The following GALNT14 variants were observed in gnomAD, a reference collection of about 807,000 sequenced individuals.
GALNT14 encodes the protein UDP-GalNAc:polypeptide N-acetylgalactosaminyltransferase 14.
GALNT14 carries 60 observed loss-of-function variants against 77.5 expected under a neutral mutation model. That is an observed-to-expected ratio of 0.77 (90% confidence interval 0.63 to 0.96). GALNT14 has a LOEUF of 0.96. Ranked by LOEUF, GALNT14 falls within the 40% of genes least tolerant of loss-of-function variation. GALNT14 has a pLI of 0.00. For missense variants in GALNT14, 710 were observed against 731.0 expected (o/e 0.97, Z 0.33); for synonymous variants, 280 against 281.7 (o/e 0.99, Z 0.06).
intron 1 of GALNT14, among the ~76,000 whole-genome samples, chr2:31,097,554 T>C (rs1011001532): frequency 6.6e-6 from 1 of 152,188 alleles, no homozygotes; most frequent in African/African-American, 2.4e-5. Flanking sequence ...TGAAATACTT[T>C]TGAGAGTGTT....
At chr2:31,009,458 C>T (rs775017988) in intron 1 of GALNT14, among the ~76,000 whole-genome samples, 1 of 152,160 alleles carries the variant, frequency 6.6e-6, no homozygotes, top group Non-Finnish European at 1.5e-5. Flanking sequence ...TAGCCCTGGT[C>T]CCTCCTCTCC....
Position 30,932,147 on chromosome 2 carries a change from G to A in GALNT14, c.979C>T (p.Pro327Ser), listed in dbSNP as rs1558416542. ...AAGACGTGCCCCACTCGGCTGCAGG[G>A]GACGATCTCTAGGCTGCCCCCGCAC... ...WMCGGSLEIV[P>S]CSRVGHVFRK... The change falls in exon 10 of 15, where the codon CCC becomes TCC. Residue 327 changes from proline to serine, a missense_variant. Pro to Ser is a moderately conservative substitution (Grantham distance 74). Coordinates refer to ENST00000349752, the MANE Select transcript of GALNT14 (RefSeq NM_024572.4). 3.2e-6 allele frequency: 5 copies of A among 1,567,504 alleles called. No homozygotes were observed. Among genetic ancestry groups the A allele is most frequent in the Non-Finnish European group, 4.3e-6 (5 of 1,156,910 alleles).
chr2:30,978,669 A>G (rs756732460), intron 2 of GALNT14, among the ~76,000 whole-genome samples: 5 of 152,200 alleles, frequency 3.3e-5, no homozygotes, highest in Non-Finnish European at 5.9e-5. Context: ...CTGCACTCCC[A>G]ATCCCTGATA....
chr2:31,038,088 T>A (rs1243033104), intron 1 of GALNT14, among the ~76,000 whole-genome samples: 1,753 of 47,162 alleles, frequency 0.037, 49 homozygotes, highest in African/African-American at 0.053. Context: ...ATATATATTT[T>A]TTTTTTTTTT....
chr2:31,065,933 T>C (rs1191512672), intron 1 of GALNT14, among the ~76,000 whole-genome samples: 2 of 152,120 alleles, frequency 1.3e-5, no homozygotes, highest in Non-Finnish European at 2.9e-5. Flanking sequence ...GGGAAGACAG[T>C]AGGGCACAGT....
At chr2:30,890,402 T>C in the GALNT14 span, among the ~76,000 whole-genome samples, 1 of 152,200 alleles carries the variant, frequency 6.6e-6, no homozygotes, top group Non-Finnish European at 1.5e-5. Flanking sequence ...TTCTTCTCTG[T>C]ATCTCATTTT....
intron 1 of GALNT14, among the ~76,000 whole-genome samples, chr2:30,998,877 C>T (rs1197377356): frequency 2.6e-5 from 4 of 152,190 alleles, no homozygotes; most frequent in Non-Finnish European, 5.9e-5. Context: ...TGTGCATTTC[C>T]TGTCATTTTC....
At chr2:31,065,231 A>G (rs1477243498) in intron 1 of GALNT14, 1 of 151,964 alleles carries the variant, frequency 6.6e-6, no homozygotes, top group Non-Finnish European at 1.5e-5. Flanking sequence ...CTGAGGGCAA[A>G]GGTGATGTCT....
At chr2:31,093,959 T>C (rs1379765057) in intron 1 of GALNT14, among the ~76,000 whole-genome samples, 1 of 152,142 alleles carries the variant, frequency 6.6e-6, no homozygotes, top group African/African-American at 2.4e-5. Flanking sequence ...TTTACTTTAG[T>C]GCAATAAGAT....
In GALNT14 at chr2:31,075,496, A is replaced by T. The variant is rs566819221; in HGVS notation, c.129+62462T>A. 2.0e-4 allele frequency among the ~76,000 whole-genome samples: 31 copies of T among 152,242 alleles called. 1 individual carries two copies. Among genetic ancestry groups the T allele is most frequent in the African/African-American group, 6.7e-4 (28 of 41,560 alleles). ...TCTCTGCGTCCTGGAGATCGGCTTG[A>T]AAAGTGTTTCTTGAATGATGCAGAA... On this transcript the variant is annotated intron_variant, in intron 1 of 14. Transcript: ENST00000349752.
At chr2:30,963,332 T>C (rs1274834623) in intron 3 of GALNT14, among the ~76,000 whole-genome samples, 1 of 152,168 alleles carries the variant, frequency 6.6e-6, no homozygotes, top group African/African-American at 2.4e-5. Context: ...TCTCAACAAG[T>C]GCACCACCTG....
At chr2:31,111,156 C>G (rs1212201793) in intron 1 of GALNT14, among the ~76,000 whole-genome samples, 2 of 152,176 alleles carry the variant, frequency 1.3e-5, no homozygotes, top group African/African-American at 2.4e-5. Flanking sequence ...CAGCAGACTA[C>G]CCAGGATGCA....
intron 1 of GALNT14, among the ~76,000 whole-genome samples, chr2:31,011,178 T>G (rs1421672460): frequency 6.6e-6 from 1 of 152,226 alleles, no homozygotes; most frequent in East Asian, 1.9e-4. Context: ...CTCCCTCAAC[T>G]GAGAGTTAGC....
At chr2:30,912,156 A>G (rs1664401795) in intron 14 of GALNT14, 67 bp downstream of exon 14, 3 of 1,588,032 alleles carry the variant, frequency 1.9e-6, no homozygotes, top group African/African-American at 2.7e-5. Flanking sequence ...TGCTCATCAG[A>G]CTAAGCCCTC....
At chr2:31,023,014 G>A (rs1671817634) in intron 1 of GALNT14, among the ~76,000 whole-genome samples, 1 of 152,208 alleles carries the variant, frequency 6.6e-6, no homozygotes, top group Non-Finnish European at 1.5e-5. Context: ...CAGGACTATT[G>A]TGGGAATGCA....
chr2:31,013,963 G>A (rs1671191530), intron 1 of GALNT14, among the ~76,000 whole-genome samples: 1 of 152,170 alleles, frequency 6.6e-6, no homozygotes, highest in African/African-American at 2.4e-5. Context: ...TTCTGTCCCT[G>A]TAAGATTTCA....
At chr2:30,930,067 C>T (rs1665634307) in intron 10 of GALNT14, among the ~76,000 whole-genome samples, 1 of 152,192 alleles carries the variant, frequency 6.6e-6, no homozygotes, top group South Asian at 2.1e-4. Context: ...GGGATGCTCA[C>T]CTTTAGTAAC....
At chr2:30,951,732 A>G (rs73923309) in intron 6 of GALNT14, among the ~76,000 whole-genome samples, 1,608 of 152,336 alleles carry the variant, frequency 0.011, 27 homozygotes, top group African/African-American at 0.035. Context: ...ATGGGGACTG[A>G]GTCCACTGCT....
At chr2:30,927,595 T>C (rs926849765) in intron 11 of GALNT14, among the ~76,000 whole-genome samples, 1 of 152,182 alleles carries the variant, frequency 6.6e-6, no homozygotes, top group African/African-American at 2.4e-5. Context: ...GCACAGCCTG[T>C]CCTTTGAGAC....
Sources: allele counts gnomAD v4.1 joint callset (sites outside exome capture counted in the v4.1 genomes callset), GRCh38; gene constraint gnomAD v4.1.1; transcripts MANE v1.5; gene names NCBI Gene and HGNC (gene_info 2026-07-23, HGNC 2026-07-21).